ERC2: variants seen among roughly 807,000 people sequenced by gnomAD.
ERC2 encodes ELKS/RAB6-interacting/CAST family member 2.
Under a neutral mutation model 114.8 loss-of-function variants are expected in ERC2, and 42 were observed. The observed-to-expected ratio is 0.37, with a 90% CI of 0.29 to 0.47. The LOEUF is 0.47. ERC2 is among the 20% of genes least tolerant of loss of function. The pLI, the probability that ERC2 is intolerant of heterozygous loss-of-function variation, is 0.99. For missense variants in ERC2, 939 were observed against 1,150.7 expected (o/e 0.82, Z 2.66); for synonymous variants, 454 against 425.5 (o/e 1.07, Z -0.82).
intron 1 of ERC2, among the ~76,000 whole-genome samples, chr3:56,461,836 G>T (rs1176602730): frequency 1.3e-5 from 2 of 152,148 alleles, no homozygotes; most frequent in East Asian, 3.9e-4. Context: ...TTTTTATTTA[G>T]GAAACAAAGT....
intron 15 of ERC2, among the ~76,000 whole-genome samples, chr3:55,725,110 T>G (rs2064827035): frequency 1.3e-5 from 2 of 152,262 alleles, no homozygotes; most frequent in South Asian, 2.1e-4. Context: ...AAGCCTGTTA[T>G]TCTGATATGC....
At chr3:55,892,576 G>C (rs975516252) in intron 13 of ERC2, among the ~76,000 whole-genome samples, 1 of 151,958 alleles carries the variant, frequency 6.6e-6, no homozygotes, top group Non-Finnish European at 1.5e-5. Context: ...GAAAAATCCA[G>C]GTATGAAAAT....
intron 14 of ERC2, among the ~76,000 whole-genome samples, chr3:55,879,083 T>TC: frequency 1.1e-5 from 1 of 90,658 alleles, no homozygotes; most frequent in African/African-American, 4.1e-5. Flanking sequence ...TCTTTTCTTT[T>TC]TTTTTCTTTT....
chr3:55,949,979 T>C (rs891809303), intron 13 of ERC2, among the ~76,000 whole-genome samples: 1 of 152,178 alleles, frequency 6.6e-6, no homozygotes, highest in African/African-American at 2.4e-5. Context: ...AGCTTCACAG[T>C]CTTGAACAAA....
intron 17 of ERC2, among the ~76,000 whole-genome samples, chr3:55,681,090 G>C (rs6445752): frequency 0.35 from 53,619 of 151,868 alleles, 10,240 homozygotes; most frequent in African/African-American, 0.48. Flanking sequence ...GCTCTAGGGG[G>C]TGTCAAAACT....
intron 3 of ERC2, among the ~76,000 whole-genome samples, chr3:56,253,033 C>A (rs1373978910): frequency 6.6e-6 from 1 of 152,110 alleles, no homozygotes; most frequent in Non-Finnish European, 1.5e-5. Flanking sequence ...GCTAAGTGGT[C>A]TCAGGTTCCA....
intron 13 of ERC2, among the ~76,000 whole-genome samples, chr3:55,945,777 C>T (rs1455410546): frequency 6.6e-6 from 1 of 151,978 alleles, no homozygotes; most frequent in Non-Finnish European, 1.5e-5. Flanking sequence ...AATGATCACA[C>T]TTGGGTTTAA....
intron 7 of ERC2, among the ~76,000 whole-genome samples, chr3:56,065,615 C>G (rs573573166): frequency 1.3e-5 from 2 of 151,724 alleles, no homozygotes; most frequent in African/African-American, 4.8e-5. Flanking sequence ...CACGGTGGTT[C>G]GCTGCACCTA....
intron 17 of ERC2, among the ~76,000 whole-genome samples, chr3:55,534,395 CAAA>C (rs34419845): frequency 1.9e-5 from 2 of 107,292 alleles, no homozygotes; most frequent in African/African-American, 8.1e-5. Context: ...GAGACCCTGT[CAAA>C]AAAAAAAAAA....
At chr3:56,358,236 A>G (rs1335482521) in intron 2 of ERC2, among the ~76,000 whole-genome samples, 1 of 152,108 alleles carries the variant, frequency 6.6e-6, no homozygotes, top group Non-Finnish European at 1.5e-5. Flanking sequence ...ACACCGAACA[A>G]TATTTCTAAA....
intron 17 of ERC2, among the ~76,000 whole-genome samples, chr3:55,610,357 T>G (rs1183132636): frequency 6.6e-6 from 1 of 152,148 alleles, no homozygotes; most frequent in African/African-American, 2.4e-5. Context: ...ACATAATTCC[T>G]TGTAGTATTA....
chr3:56,071,356 C>T (rs1401783173), intron 7 of ERC2, among the ~76,000 whole-genome samples: 2 of 152,152 alleles, frequency 1.3e-5, no homozygotes, highest in South Asian at 2.1e-4. Context: ...GCTCCATGAC[C>T]CTACATAAGT....
chr3:56,240,669 C>A (rs2051265244), intron 3 of ERC2, among the ~76,000 whole-genome samples: 1 of 152,040 alleles, frequency 6.6e-6, no homozygotes, highest in African/African-American at 2.4e-5. Context: ...ATTTCAGAGA[C>A]ACAAAAATAT....
rs186071325 is a variant in ERC2, at chr3:55,894,936, T to C, written c.2404-6387A>G. Among the ~76,000 whole-genome samples, 4 of 152,306 alleles carry C rather than the reference T, an allele frequency of 2.6e-5. No homozygotes were observed. The East Asian group carries it at 7.7e-4, about 29-fold the overall frequency. On this transcript the variant is annotated intron_variant, in intron 13 of 17. Transcript: ENST00000288221. Reference sequence around the variant, plus strand: ...TATTCAGCCTATCTATGTCTGCATATTGCTCCATTCACCAATGCTCAACCA... The same window carrying C: ...TATTCAGCCTATCTATGTCTGCATACTGCTCCATTCACCAATGCTCAACCA...
chr3:55,912,988 T>C (rs1355984492), intron 13 of ERC2, among the ~76,000 whole-genome samples: 1 of 152,194 alleles, frequency 6.6e-6, no homozygotes, highest in Non-Finnish European at 1.5e-5. Flanking sequence ...CTTTTTTTAT[T>C]GCATTTATTT....
At chr3:56,403,987 G>A (rs73077704) in intron 2 of ERC2, among the ~76,000 whole-genome samples, 3,175 of 152,236 alleles carry the variant, frequency 0.021, 44 homozygotes, top group Middle Eastern at 0.058. Flanking sequence ...ATTTCCCATC[G>A]GCCACATCGC....
chr3:56,403,996 G>T (rs148054373), intron 2 of ERC2, among the ~76,000 whole-genome samples: 2 of 152,152 alleles, frequency 1.3e-5, no homozygotes, highest in African/African-American at 4.8e-5. Context: ...CGGCCACATC[G>T]CACCAGAGGT....
Position 55,972,880 on chromosome 3 carries a change from C to T in ERC2, c.2267+13097G>A, listed in dbSNP as rs191381265. Among the ~76,000 whole-genome samples the T allele has an allele frequency of 1.4e-3, 211 of 152,210 alleles. 3 individuals are homozygous for T. Among genetic ancestry groups the T allele is most frequent in the Admixed American group, 0.012 (177 of 15,290 alleles). ...AAAGGGCCATTTAGGCAATGGGAAA[C>T]GTATGCTCCAATATAGAGAGATGGG... is the stretch of plus-strand genomic sequence containing the variant. On this transcript the variant is annotated intron_variant, in intron 12 of 17. Transcript: ENST00000288221.
In ERC2 at chr3:55,720,211, CTTCTTCTTCTTCTTCTTCTTCTTCT is replaced by C. The variant is rs1559547530; in HGVS notation, c.2712+14535_2712+14559del. 8.0e-4 allele frequency among the ~76,000 whole-genome samples: 17 copies of C among 21,152 alleles called. 4 individuals are homozygous for C. Among genetic ancestry groups the C allele is most frequent in the Non-Finnish European group, 1.0e-3 (13 of 12,868 alleles). 13.9% of individuals were successfully genotyped at this position (21,152 alleles called of 152,430 possible). A position where few individuals can be genotyped will look rare whatever the true frequency, so the allele number is the denominator to read the frequency against. On this transcript the variant is annotated intron_variant, in intron 15 of 17. Coordinates refer to ENST00000288221, the MANE Select transcript of ERC2 (RefSeq NM_015576.3). ...TCTTCTTCTTCTTCTTCTTCTTCTTCTTCTTCTTCTTCTTCTTCTTCTTCTTCTTCTCTCTCTCTCTCTCTCTCTC... is the reference window on the plus strand; with the variant it reads ...TCTTCTTCTTCTTCTTCTTCTTCTTCTCTTCTCTCTCTCTCTCTCTCTCTC...
Sources: allele counts gnomAD v4.1 joint callset (sites outside exome capture counted in the v4.1 genomes callset), GRCh38; gene constraint gnomAD v4.1.1; transcripts MANE v1.5; gene names NCBI Gene and HGNC (gene_info 2026-07-23, HGNC 2026-07-21).